The following VPS50 variants were observed in gnomAD, a reference collection of about 807,000 sequenced individuals.
VPS50 encodes VPS50 subunit of EARP/GARPII complex.
In VPS50, 70 loss-of-function variants were observed where a neutral mutation model predicts 139.7. The observed-to-expected ratio is 0.50, with a 90% CI of 0.41 to 0.61. The LOEUF (loss-of-function observed/expected upper bound fraction) is 0.61, where lower values mean the gene tolerates loss of function less well. Among genes scored for constraint, VPS50 ranks in the 20% least tolerant of loss-of-function variants. VPS50 has a pLI of 0.00. For synonymous variants in VPS50, 365 were observed against 376.7 expected (o/e 0.97, Z 0.36); for missense variants, 921 against 1,133.7 (o/e 0.81, Z 2.69).
chr7:93,342,104 A>C (rs986236443), intron 23 of VPS50, among the ~76,000 whole-genome samples: 8 of 152,308 alleles, frequency 5.3e-5, no homozygotes, highest in Non-Finnish European at 1.2e-4. Context: ...CAGTGGGCGC[A>C]GGTCAGTGGG....
intron 1 of VPS50, among the ~76,000 whole-genome samples, chr7:93,235,497 G>A (rs1392544153): frequency 6.6e-6 from 1 of 152,182 alleles, no homozygotes; most frequent in Non-Finnish European, 1.5e-5. Flanking sequence ...TAATCCAGGT[G>A]AGAGGGTGGG....
At chr7:93,232,899 T>C (rs1207985224) in intron 1 of VPS50, among the ~76,000 whole-genome samples, 2 of 152,196 alleles carry the variant, frequency 1.3e-5, no homozygotes, top group African/African-American at 4.8e-5. Context: ...CTGGAAAGAC[T>C]GAAAACGGAT....
At chr7:93,316,750 T>C (rs963643686) in intron 20 of VPS50, among the ~76,000 whole-genome samples, 28 of 152,182 alleles carry the variant, frequency 1.8e-4, no homozygotes, top group African/African-American at 6.3e-4. Flanking sequence ...GGTAGTTACA[T>C]AGATGGATGT....
intron 21 of VPS50, among the ~76,000 whole-genome samples, chr7:93,330,174 G>A (rs568197181): frequency 6.6e-6 from 1 of 152,122 alleles, no homozygotes; most frequent in Non-Finnish European, 1.5e-5. Context: ...CTGTATATTA[G>A]TAAAGCAGTG....
At chr7:93,324,684 C>G (rs951700074) in intron 21 of VPS50, among the ~76,000 whole-genome samples, 10 of 152,054 alleles carry the variant, frequency 6.6e-5, no homozygotes, top group Non-Finnish European at 1.3e-4. Flanking sequence ...GAGTGAACTC[C>G]CATTCACAAT....
At chr7:93,263,544 T>G (rs1449447011) in intron 9 of VPS50, among the ~76,000 whole-genome samples, 4 of 152,206 alleles carry the variant, frequency 2.6e-5, no homozygotes, top group Non-Finnish European at 4.4e-5. Context: ...TCTTTCCTAG[T>G]CACATCACTC....
chr7:93,274,064 C>T (rs1367102099), intron 11 of VPS50, among the ~76,000 whole-genome samples: 1 of 152,046 alleles, frequency 6.6e-6, no homozygotes, highest in African/African-American at 2.4e-5. Flanking sequence ...ACTGGCCATT[C>T]CCCCTTCTCT....
intron 16 of VPS50, among the ~76,000 whole-genome samples, chr7:93,299,980 G>A (rs1052181822): frequency 6.6e-6 from 1 of 152,022 alleles, no homozygotes; most frequent in African/African-American, 2.4e-5. Context: ...AATTGCTCTA[G>A]TAATCAAAGC....
At chr7:93,296,859 ATTC>A in intron 15 of VPS50, 23 bp downstream of exon 15, 10 of 1,572,984 alleles carry the variant, frequency 6.4e-6, no homozygotes, top group Non-Finnish European at 8.6e-6. Flanking sequence ...ATCTTGTCTT[ATTC>A]TTTAGTTTGA....
At chr7:93,256,597 T>C in intron 5 of VPS50, 35 bp downstream of exon 5, 1 of 1,143,204 alleles carries the variant, frequency 8.7e-7, no homozygotes, top group Non-Finnish European at 1.3e-6. Context: ...GTAGTAGAAT[T>C]TTTAAATGTT....
intron 9 of VPS50, among the ~76,000 whole-genome samples, chr7:93,260,633 G>GT (rs35813127): frequency 0.15 from 22,383 of 147,426 alleles, 2,651 homozygotes; most frequent in East Asian, 0.4. Flanking sequence ...AGTCTCTATG[G>GT]TTTTTTTTTT....
rs558346521 is a variant in VPS50 at position 93,346,857 on chromosome 7, A to C, written c.2208-1854A>C. Among the ~76,000 whole-genome samples, 1,208 of 138,320 alleles carry C rather than the reference A, an allele frequency of 8.7e-3. 9 individuals are homozygous for C. Among genetic ancestry groups the C allele is most frequent in the African/African-American group, 0.01 (360 of 35,438 alleles). 90.7% of individuals were successfully genotyped at this position (138,320 alleles called of 152,430 possible). On this transcript the variant is annotated intron_variant, in intron 23 of 27. Coordinates refer to ENST00000305866, the MANE Select transcript of VPS50 (RefSeq NM_017667.4). ...GATTAAAGACTTAAACGTTAGACCT[A>C]AAACCATAAAAACCCTAGAAGAAAA...
In VPS50 at chr7:93,272,173, TA is replaced by T. The variant is rs139524772; in HGVS notation, c.703-458del. On this transcript the variant is annotated intron_variant, in intron 10 of 27. Coordinates refer to ENST00000305866, the MANE Select transcript of VPS50 (RefSeq NM_017667.4). Reference sequence around the variant, plus strand: ...AATCCATAAAGCATGGTAATTTAGATAAAAGAGCTTAAACCTTGAGGAATAT... The same window carrying T: ...AATCCATAAAGCATGGTAATTTAGATAAAGAGCTTAAACCTTGAGGAATAT... Among the ~76,000 whole-genome samples the T allele has an allele frequency of 4.3e-3, 661 of 151,968 alleles. 3 individuals carry two copies. Among genetic ancestry groups the T allele is most frequent in the Non-Finnish European group, 7.5e-3 (507 of 67,768 alleles).
intron 9 of VPS50, among the ~76,000 whole-genome samples, chr7:93,264,846 G>T (rs1464531140): frequency 6.6e-6 from 1 of 152,080 alleles, no homozygotes; most frequent in African/African-American, 2.4e-5. Context: ...TTTCTGCTAG[G>T]TTGCCAGGCC....
chr7:93,239,989 G>T, intron 2 of VPS50, 55 bp downstream of exon 2: 1 of 997,946 alleles, frequency 1.0e-6, no homozygotes, highest in Non-Finnish European at 1.6e-6. Flanking sequence ...AAATATGATT[G>T]CCTCTGGATA....
chr7:93,320,926 T>G (rs1197749523), intron 20 of VPS50: 1 of 152,282 alleles, frequency 6.6e-6, no homozygotes, highest in Non-Finnish European at 1.5e-5. Context: ...TCTTATGGTT[T>G]TATTGGCTTA....
Position 93,303,483 on chromosome 7 carries a change from T to G in VPS50, c.1385T>G (p.Met462Arg). ...YHRTRLDELR[M>R]FLENETWELC... ...AGAACACGGCTCGATGAACTGAGAA[T>G]GTTCTTAGAGAATGAGACTTGGGAA... The change falls in exon 17 of 28, where the codon ATG becomes AGG. Residue 462 changes from methionine to arginine, a missense_variant. Coordinates refer to ENST00000305866, the MANE Select transcript of VPS50 (RefSeq NM_017667.4). The G allele has an allele frequency of 1.3e-6, 2 of 1,578,224 alleles. No homozygotes were observed. Among genetic ancestry groups the G allele is most frequent in the Non-Finnish European group, 1.7e-6 (2 of 1,154,890 alleles).
chr7:93,303,150 G>A (rs1380150685), intron 16 of VPS50, among the ~76,000 whole-genome samples: 4 of 151,912 alleles, frequency 2.6e-5, no homozygotes, highest in Non-Finnish European at 5.9e-5. Flanking sequence ...TTTTAAGTAT[G>A]TGAGTTGGAG....
rs182182702 is a variant in VPS50 at position 93,342,103 on chromosome 7, C to T, written c.2207+528C>T. On this transcript the variant is annotated intron_variant, in intron 23 of 27. Coordinates refer to ENST00000305866, the MANE Select transcript of VPS50 (RefSeq NM_017667.4). ...ACTAGGGAGTGCCAGACAGTGGGCG[C>T]AGGTCAGTGGGTGCGCGCACTGTGC... Among the ~76,000 whole-genome samples, 234 of 152,278 alleles carry T rather than the reference C, an allele frequency of 1.5e-3. 3 individuals carry two copies. Among genetic ancestry groups the T allele is most frequent in the African/African-American group, 5.6e-3 (231 of 41,564 alleles).
Sources: allele counts gnomAD v4.1 joint callset (sites outside exome capture counted in the v4.1 genomes callset), GRCh38; gene constraint gnomAD v4.1.1; transcripts MANE v1.5; gene names NCBI Gene and HGNC (gene_info 2026-07-23, HGNC 2026-07-21).